The following PCDHGA11 variants were observed in gnomAD, a reference collection of about 807,000 sequenced individuals.
PCDHGA11 encodes protocadherin gamma subfamily A, 11.
In PCDHGA11, 39 loss-of-function variants were observed where a neutral mutation model predicts 60.4. That is an observed-to-expected ratio of 0.65 (90% confidence interval 0.50 to 0.84). The LOEUF (loss-of-function observed/expected upper bound fraction) is 0.84. Ranked by LOEUF, PCDHGA11 falls within the 40% of genes least tolerant of loss-of-function variation. The pLI, the probability that PCDHGA11 is intolerant of heterozygous loss-of-function variation, is 0.00. For synonymous variants in PCDHGA11, 533 were observed against 510.3 expected, an observed-to-expected ratio of 1.04 and a Z score of -0.60; for missense variants, 1,165 against 1,197.7, an observed-to-expected ratio of 0.97 and a Z score of 0.40.
intron 1 of PCDHGA11, chr5:141,478,730 G>A: frequency 6.5e-7 from 1 of 1,538,906 alleles, no homozygotes; most frequent in South Asian, 1.2e-5. Flanking sequence ...GCCAGAGTGT[G>A]GTTTGTGGTC....
intron 1 of PCDHGA11, among the ~76,000 whole-genome samples, chr5:141,438,792 G>T (rs2098065674): frequency 6.7e-6 from 1 of 149,346 alleles, no homozygotes. Flanking sequence ...CTCTCCAGTA[G>T]CTGGGATTAC....
At chr5:141,498,551 C>T (rs749191535) in intron 2 of PCDHGA11, among the ~76,000 whole-genome samples, 2 of 151,950 alleles carry the variant, frequency 1.3e-5, no homozygotes, top group Non-Finnish European at 2.9e-5. Context: ...GTCAGACACA[C>T]CAGCTTCAAA....
chr5:141,491,964 C>T lies in PCDHGA11; in HGVS notation c.2434-2843C>T, dbSNP rs1382490003. 2.1e-6 allele frequency: 2 copies of T among 943,836 alleles called. No individual in the cohort carries two copies. The highest frequency in any genetic ancestry group is 3.0e-6 in the Non-Finnish European group (2 of 671,104). 58.5% of individuals were successfully genotyped at this position (943,836 alleles called of 1,614,324 possible). On this transcript the variant is annotated intron_variant, in intron 1 of 3. Transcript: ENST00000398587. The surrounding 1 kb of genome is among the most constrained non-coding windows in gnomAD (Gnocchi z 6.9). ...CCCCACCCCTACACTCAAAAAAGGC[C>T]GGGGCCTCCTTCGAGCTTCCGGTGA...
intron 1 of PCDHGA11, among the ~76,000 whole-genome samples, chr5:141,433,573 C>T (rs1400327372): frequency 1.3e-5 from 2 of 152,046 alleles, no homozygotes; most frequent in Admixed American, 1.3e-4. Flanking sequence ...CGGTGGCTCA[C>T]GCCTGTAATC....
chr5:141,468,351 A>T (rs1030472813), intron 1 of PCDHGA11: 1 of 149,190 alleles, frequency 6.7e-6, no homozygotes, highest in East Asian at 2.0e-4. Flanking sequence ...AAAAAAAAAG[A>T]AAGAAAAAAG....
chr5:141,491,409 G>C lies in PCDHGA11; in HGVS notation c.2434-3398G>C, dbSNP rs2099711927. 6.2e-7 allele frequency: 1 copy of C among 1,614,000 alleles called. No homozygotes were observed. Among genetic ancestry groups the C allele is most frequent in the Non-Finnish European group, 8.5e-7 (1 of 1,180,022 alleles). The stretch of plus-strand genomic sequence containing the variant: ...AGTGCCTTCAGGGAAACGCAGACGG[G>C]GACGGGGGTGGAGGGCAGTGCTGCA... On this transcript the variant is annotated intron_variant, in intron 1 of 3. Coordinates refer to ENST00000398587, the MANE Select transcript of PCDHGA11 (RefSeq NM_018914.3). This position sits in a 1 kb window ranked among gnomAD's most constrained non-coding sequence, Gnocchi z 6.9.
intron 1 of PCDHGA11, among the ~76,000 whole-genome samples, chr5:141,437,929 G>A (rs1479763331): frequency 6.6e-6 from 1 of 151,960 alleles, no homozygotes; most frequent in East Asian, 1.9e-4. Context: ...GTAGAGATGG[G>A]GTTTCACCAT....
At chr5:141,430,396 A>G (rs1433813025) in intron 1 of PCDHGA11, among the ~76,000 whole-genome samples, 5 of 151,842 alleles carry the variant, frequency 3.3e-5, no homozygotes, top group Non-Finnish European at 7.4e-5. Context: ...AAAAAAAAAA[A>G]GCTCACTAAA....
intron 1 of PCDHGA11, among the ~76,000 whole-genome samples, chr5:141,435,314 G>C (rs1490871069): frequency 6.6e-6 from 1 of 152,006 alleles, no homozygotes; most frequent in African/African-American, 2.4e-5. Flanking sequence ...AATCATTCAT[G>C]AACTTCCAAA....
intron 1 of PCDHGA11, chr5:141,442,112 C>CTCG (rs2098300474): frequency 6.0e-6 from 1 of 166,158 alleles, no homozygotes; most frequent in Admixed American, 6.5e-5. Context: ...ACTACCGCCC[C>CTCG]TCGTCGCCGA....
chr5:141,473,269 A>G (rs2099318337), intron 1 of PCDHGA11, among the ~76,000 whole-genome samples: 1 of 152,208 alleles, frequency 6.6e-6, no homozygotes. Flanking sequence ...AGTGTATGCT[A>G]TGATTATTTT....
At chr5:141,510,062 G>GA (rs1448334820) in intron 3 of PCDHGA11, among the ~76,000 whole-genome samples, 1 of 152,150 alleles carries the variant, frequency 6.6e-6, no homozygotes. Flanking sequence ...TTGTGCATGT[G>GA]AAGCATCCAG....
In PCDHGA11 at chr5:141,432,927, G is replaced by A; in HGVS notation, c.2433+9267G>A. On this transcript the variant is annotated intron_variant, in intron 1 of 3. Coordinates refer to ENST00000398587, the MANE Select transcript of PCDHGA11 (RefSeq NM_018914.3). This position sits in a 1 kb window ranked among gnomAD's most constrained non-coding sequence, Gnocchi z 6.0. ...AGGCTGCGGCGCTGGCACAAGTCACGCCTGCTGCAGGCTTCAGGAGGCGGC... is the reference window on the plus strand; with the variant it reads ...AGGCTGCGGCGCTGGCACAAGTCACACCTGCTGCAGGCTTCAGGAGGCGGC... 6.2e-7 allele frequency: 1 copy of A among 1,614,162 alleles called. No individual in the cohort carries two copies. Among genetic ancestry groups the A allele is most frequent in the Non-Finnish European group, 8.5e-7 (1 of 1,180,032 alleles).
In PCDHGA11 at chr5:141,454,796, A is replaced by ATTTTTTTTTTTTTTTTTTTTT. The variant is rs61612330; in HGVS notation, c.2433+31145_2433+31165dup. Reference sequence around the variant, plus strand: ...AAGGAAATAATCCTCCATGGTTCTAATTTTTTTTTTTTTTTTTTTTTTTTT... The same window carrying ATTTTTTTTTTTTTTTTTTTTT: ...AAGGAAATAATCCTCCATGGTTCTAATTTTTTTTTTTTTTTTTTTTTTTTTTTTTTTTTTTTTTTTTTTTTT... On this transcript the variant is annotated intron_variant, in intron 1 of 3. Transcript: ENST00000398587. Among the ~76,000 whole-genome samples, 10 of 77,454 alleles carry ATTTTTTTTTTTTTTTTTTTTT rather than the reference A, an allele frequency of 1.3e-4. 1 individual carries two copies. Among genetic ancestry groups the ATTTTTTTTTTTTTTTTTTTTT allele is most frequent in the Non-Finnish European group, 1.9e-4 (8 of 42,810 alleles). The allele number at this position is 77,454 out of a possible 152,430, so 50.8% of individuals were successfully genotyped here. A position where few individuals can be genotyped will look rare whatever the true frequency, so the allele number is the denominator to read the frequency against.
At chr5:141,424,171 C>A in intron 1 of PCDHGA11, 1 of 226,338 alleles carries the variant, frequency 4.4e-6, no homozygotes, top group Non-Finnish European at 8.0e-6. Flanking sequence ...ATCTATCTAT[C>A]TATACACATG....
chr5:141,454,580 ATT>A (rs1392342692), intron 1 of PCDHGA11, among the ~76,000 whole-genome samples: 2 of 151,234 alleles, frequency 1.3e-5, no homozygotes, highest in Non-Finnish European at 2.9e-5. Context: ...CTAATTTTGT[ATT>A]TTTAGTAGAG....
At chr5:141,494,232 A>T (rs2099752983) in intron 1 of PCDHGA11, among the ~76,000 whole-genome samples, 1 of 152,168 alleles carries the variant, frequency 6.6e-6, no homozygotes, top group African/African-American at 2.4e-5. Flanking sequence ...TCCTAAATTA[A>T]TAATGTATTT....
At chr5:141,463,438 C>CTTTTTTT (rs71576115) in intron 1 of PCDHGA11, among the ~76,000 whole-genome samples, 6 of 103,252 alleles carry the variant, frequency 5.8e-5, no homozygotes, top group African/African-American at 1.3e-4. Flanking sequence ...TTTCCTTCTC[C>CTTTTTTT]TTTTTTTTTT....
At chr5:141,435,214 A>T (rs1314928643) in intron 1 of PCDHGA11, among the ~76,000 whole-genome samples, 1 of 152,176 alleles carries the variant, frequency 6.6e-6, no homozygotes, top group Non-Finnish European at 1.5e-5. Context: ...AAGTGAATTT[A>T]CTTTCTTTCA....
Sources: allele counts gnomAD v4.1 joint callset (sites outside exome capture counted in the v4.1 genomes callset), GRCh38; gene constraint gnomAD v4.1.1; non-coding constraint Gnocchi (gnomAD v3.1); transcripts MANE v1.5; gene names NCBI Gene and HGNC (gene_info 2026-07-23, HGNC 2026-07-21).